ITGAL: variants seen among roughly 807,000 people sequenced by gnomAD.
ITGAL encodes the protein integrin alpha-L.
ITGAL carries 68 observed loss-of-function variants against 138.4 expected under a neutral mutation model. That is an observed-to-expected ratio of 0.49 (90% CI 0.40 to 0.60). The LOEUF is 0.60. ITGAL is among the 20% of genes least tolerant of loss of function. The pLI, the probability that ITGAL is intolerant of heterozygous loss-of-function variation, is 0.00. For missense variants in ITGAL, 1,256 were observed against 1,478.6 expected, an observed-to-expected ratio of 0.85 and a Z score of 2.47; for synonymous variants, 561 against 584.3, an observed-to-expected ratio of 0.96 and a Z score of 0.57.
rs2050414561 is a variant in ITGAL at position 30,472,895 on chromosome 16, T to A, written c.58T>A (p.Phe20Ile). ...AMALLSGFFF[F>I]APASSYNLDV... ...GGCGCTGCTGTCTGGGTTCTTTTTC[T>A]TCGGTAGGCAAGGGAGGAGGCAGGG... Residue 20 changes from phenylalanine to isoleucine, a missense_variant, in exon 1 of 31, where the codon TTC becomes ATC. Phe to Ile is a conservative substitution (Grantham distance 21, BLOSUM62 0). This residue lies in a region of ITGAL where 212 missense variants were observed against 217.4 expected (regional missense o/e 0.98). Coordinates refer to ENST00000356798, the MANE Select transcript of ITGAL (RefSeq NM_002209.3). The A allele has an allele frequency of 1.1e-5, 18 of 1,612,738 alleles. No individual in the cohort carries two copies. Among genetic ancestry groups the A allele is most frequent in the Non-Finnish European group, 1.5e-5 (18 of 1,179,726 alleles).
chr16:30,478,697 C>CAAAAAA (rs59193580), intron 4 of ITGAL, among the ~76,000 whole-genome samples: 3 of 106,540 alleles, frequency 2.8e-5, no homozygotes, highest in Admixed American at 1.0e-4. Context: ...GACTCCATCT[C>CAAAAAA]AAAAAAAAAA....
Position 30,510,947 on chromosome 16 carries a change from G to T in ITGAL, c.2686G>T (p.Ala896Ser), listed in dbSNP as rs756150914. 11 of 1,613,670 alleles carry T rather than the reference G, an allele frequency of 6.8e-6. No individual in the cohort carries two copies. The highest frequency in any genetic ancestry group is 3.3e-5 in the Admixed American group (2 of 59,956). The change falls in exon 23 of 31, where the codon GCC (alanine) becomes TCC (serine). Residue 896 changes from alanine (A) to serine (S), a missense_variant. Transcript: ENST00000356798. ...CTGGGGGGACTCGGTTGAATTGCAC[G>T]CCAATGTGACCTGGTGAGCAGGCCC... ...SSWGDSVELH[A>S]NVTCNNEDSD... is the part of the protein sequence containing the mutation.
At chr16:30,487,532 C>T (rs1418799922) in intron 9 of ITGAL, among the ~76,000 whole-genome samples, 1 of 152,058 alleles carries the variant, frequency 6.6e-6, no homozygotes, top group Non-Finnish European at 1.5e-5. Context: ...GCCTCAGCCT[C>T]CCAAGTAGCT....
At chr16:30,474,918 G>T (rs1260630213) in intron 2 of ITGAL, among the ~76,000 whole-genome samples, 1 of 149,562 alleles carries the variant, frequency 6.7e-6, no homozygotes. Context: ...TAGTGCAACG[G>T]TTAGATCTCA....
Position 30,505,459 on chromosome 16 carries a change from C to T in ITGAL, c.2363C>T (p.Ala788Val), listed in dbSNP as rs756789443. Reference protein sequence around the residue: ...EANLRVSFSPARSRALRLTAF... With the variant: ...EANLRVSFSPVRSRALRLTAF... The stretch of plus-strand genomic sequence containing the variant: ...AACTTGAGAGTGTCCTTCTCTCCTG[C>T]AAGGTCAGTAAGGCCTCCCACCCTC... Residue 788 changes from alanine (A) to valine (V), a missense_variant, in exon 20 of 31, where the codon GCA becomes GTA. Physicochemically the swap from Ala to Val is moderately conservative, Grantham distance 64 (BLOSUM62 0). This residue lies in a region of ITGAL where 867 missense variants were observed against 972.5 expected (regional missense o/e 0.89). Coordinates refer to ENST00000356798, the MANE Select transcript of ITGAL (RefSeq NM_002209.3). 1.2e-6 allele frequency: 2 copies of T among 1,612,884 alleles called. No individual in the cohort carries two copies. Among genetic ancestry groups the T allele is most frequent in the South Asian group, 1.1e-5 (1 of 91,044 alleles).
Position 30,489,105 on chromosome 16 carries a change from T to C in ITGAL, c.1030T>C (p.Ser344Pro). ...IEGTSKQDLTSFNMELSSSGI... is the reference protein window; with the variant it reads ...IEGTSKQDLTPFNMELSSSGI... ...AGGCACAAGCAAACAGGACCTGACTTCCTTCAACATGGAGCTGTCCTCCAG... is the reference window on the plus strand; with the variant it reads ...AGGCACAAGCAAACAGGACCTGACTCCCTTCAACATGGAGCTGTCCTCCAG... The change falls in exon 10 of 31, where the codon TCC (serine) becomes CCC (proline). Residue 344 changes from serine to proline, a missense_variant. Physicochemically the swap from Ser to Pro is moderately conservative, Grantham distance 74 (BLOSUM62 -1). Coordinates refer to ENST00000356798, the MANE Select transcript of ITGAL (RefSeq NM_002209.3). 1 of 1,613,890 alleles carries C rather than the reference T, an allele frequency of 6.2e-7. No individual in the cohort carries two copies. Among genetic ancestry groups the C allele is most frequent in the Non-Finnish European group, 8.5e-7 (1 of 1,180,036 alleles).
chr16:30,485,326 AC>A, intron 9 of ITGAL, among the ~76,000 whole-genome samples: 1 of 78,112 alleles, frequency 1.3e-5, no homozygotes, highest in Non-Finnish European at 2.5e-5. Flanking sequence ...TCCCAGGCTC[AC>A]GCCATTCTCC....
Position 30,494,989 on chromosome 16 carries a change from CA to C in ITGAL, c.1503+140del. 1 of 869,684 alleles carries C rather than the reference CA, an allele frequency of 1.1e-6. No homozygotes were observed. Among genetic ancestry groups the C allele is most frequent in the Non-Finnish European group, 1.7e-6 (1 of 579,016 alleles). The allele number at this position is 869,684 out of a possible 1,614,324, so 53.9% of individuals were successfully genotyped here. A position where few individuals can be genotyped will look rare whatever the true frequency, so the allele number is the denominator to read the frequency against. ...CGACAGAGAGGCAATAGCAAATCCT[CA>C]CTGGGGAAAGACTGTATGCAGGGTC... is the stretch of plus-strand genomic sequence containing the variant. On this transcript the variant is annotated intron_variant, in intron 13 of 30. Transcript: ENST00000356798. The surrounding 1 kb of genome is among the most constrained non-coding windows in gnomAD (Gnocchi z 4.2).
In ITGAL at chr16:30,517,712, G is replaced by A. The variant is rs775297713; in HGVS notation, c.3033+7G>A. The A allele has an allele frequency of 3.7e-6, 6 of 1,613,994 alleles. No individual in the cohort carries two copies. Among genetic ancestry groups the A allele is most frequent in the Non-Finnish European group, 5.1e-6 (6 of 1,179,838 alleles). Reference sequence around the variant, plus strand: ...GCTCCCGGATGCAGCTGAGGTATGGGCGTGTGAGCTGAGAGACGGTGGGGC... The same window carrying A: ...GCTCCCGGATGCAGCTGAGGTATGGACGTGTGAGCTGAGAGACGGTGGGGC... On this transcript the variant is annotated splice_region_variant and intron_variant, in intron 27 of 30. Transcript: ENST00000356798.
chr16:30,481,127 CA>C (rs1448789325), intron 6 of ITGAL: 1 of 275,474 alleles, frequency 3.6e-6, no homozygotes, highest in South Asian at 3.6e-5. Flanking sequence ...TATGGTGAAA[CA>C]CCGTCTCTAC....
intron 17 of ITGAL, among the ~76,000 whole-genome samples, chr16:30,503,279 C>T (rs1458713961): frequency 6.6e-6 from 1 of 152,094 alleles, no homozygotes; most frequent in African/African-American, 2.4e-5. Flanking sequence ...CATTCCACCT[C>T]TTATAAGATT....
rs1397321659 is a variant in ITGAL, at chr16:30,487,036, G to A, written c.1007-2046G>A. Among the ~76,000 whole-genome samples, 6 of 151,760 alleles carry A rather than the reference G, an allele frequency of 4.0e-5. No homozygotes were observed. In the East Asian group the frequency reaches 7.8e-4, roughly 20 times the overall value. On this transcript the variant is annotated intron_variant, in intron 9 of 30. Coordinates refer to ENST00000356798, the MANE Select transcript of ITGAL (RefSeq NM_002209.3). ...CGGGCGCCTGTAGTCCCAGCTACTC[G>A]GGAGGCTGAGGCAGGAGAATGGCGT...
intron 2 of ITGAL, 121 bp downstream of exon 2, chr16:30,474,419 TC>T (rs2050439071): frequency 1.5e-6 from 1 of 672,376 alleles, no homozygotes; most frequent in African/African-American, 1.8e-5. Context: ...CTCCAGGGGT[TC>T]CCGTCTGGAG....
chr16:30,513,574 T>C (rs2051121878), intron 24 of ITGAL, among the ~76,000 whole-genome samples, 197 bp from the exon 25 acceptor site: 1 of 152,114 alleles, frequency 6.6e-6, no homozygotes, highest in Non-Finnish European at 1.5e-5. Flanking sequence ...GTCCTGTCTC[T>C]CCACTGTGGA....
At chr16:30,511,422 T>C (rs1047793331) in intron 24 of ITGAL, among the ~76,000 whole-genome samples, 5 of 152,248 alleles carry the variant, frequency 3.3e-5, no homozygotes. Context: ...GCGCAGTTGC[T>C]GACATTGCCT....
rs200568405 is a variant in ITGAL, at chr16:30,517,721, C to G, written c.3033+16C>G. 13 of 1,613,730 alleles carry G rather than the reference C, an allele frequency of 8.1e-6. No individual in the cohort carries two copies. The East Asian group carries it at 1.8e-4, about 22-fold the overall frequency. On this transcript the variant is annotated intron_variant, in intron 27 of 30. Coordinates refer to ENST00000356798, the MANE Select transcript of ITGAL (RefSeq NM_002209.3). Reference sequence around the variant, plus strand: ...TGCAGCTGAGGTATGGGCGTGTGAGCTGAGAGACGGTGGGGCTGGGCGGTA... The same window carrying G: ...TGCAGCTGAGGTATGGGCGTGTGAGGTGAGAGACGGTGGGGCTGGGCGGTA...
intron 7 of ITGAL, chr16:30,483,025 C>A (rs1567465770): frequency 6.6e-6 from 1 of 152,154 alleles, no homozygotes; most frequent in African/African-American, 2.4e-5. Context: ...TGGAGTCTCG[C>A]TATGTTGCCC....
At chr16:30,484,298 C>G (rs1372362420) in intron 9 of ITGAL, 35 bp downstream of exon 9, 1 of 1,592,876 alleles carries the variant, frequency 6.3e-7, no homozygotes, top group Admixed American at 1.7e-5. Context: ...GCTCGGGAGT[C>G]TGCATAAAGA....
Position 30,499,138 on chromosome 16 carries a change from G to T in ITGAL, c.1897G>T (p.Glu633Ter). 6.2e-7 allele frequency: 1 copy of T among 1,614,132 alleles called. No individual in the cohort carries two copies. Among genetic ancestry groups the T allele is most frequent in the Non-Finnish European group, 8.5e-7 (1 of 1,180,010 alleles). ...SFSPAEIPVH[E>*]VECSYSTSNK... is the part of the protein sequence containing the mutation. The stretch of plus-strand genomic sequence containing the variant: ...CTCTCCAGCTGAGATCCCAGTGCAT[G>T]AAGTGGAGTGCTCCTATTCAACCAG... The change falls in exon 16 of 31, where the codon GAA (glutamate) becomes TAA (stop). Residue 633 changes from glutamate to a stop codon, truncating the protein, a stop_gained. Coordinates refer to ENST00000356798, the MANE Select transcript of ITGAL (RefSeq NM_002209.3). LOFTEE classifies it high-confidence loss of function.
Sources: allele counts gnomAD v4.1 joint callset (sites outside exome capture counted in the v4.1 genomes callset), GRCh38; gene constraint gnomAD v4.1.1; regional missense constraint gnomAD v4.1.1; non-coding constraint Gnocchi (gnomAD v3.1); transcripts MANE v1.5; gene names NCBI Gene and HGNC (gene_info 2026-07-23, HGNC 2026-07-21).